Variants in ATF6 observed in about 807,000 individuals in gnomAD.
The protein encoded by ATF6 is activating transcription factor 6.
In ATF6, 53 loss-of-function variants were observed where a neutral mutation model predicts 83.6. The ratio of observed to expected loss-of-function variants is 0.63; its 90% CI spans 0.51 to 0.80. The LOEUF (loss-of-function observed/expected upper bound fraction) is 0.80, where lower values mean the gene tolerates loss of function less well. ATF6 is among the 30% of genes least tolerant of loss of function. ATF6 has a pLI of 0.00. For missense variants in ATF6, 744 were observed against 797.9 expected (o/e 0.93, Z 0.81); for synonymous variants, 288 against 285.8 (o/e 1.01, Z -0.08).
chr1:161,905,098 T>A (rs1447452112), intron 14 of ATF6, among the ~76,000 whole-genome samples: 1 of 152,292 alleles, frequency 6.6e-6, no homozygotes, highest in East Asian at 1.9e-4. Context: ...CTGAGGCTCA[T>A]GCAAGGAGAG....
chr1:161,886,056 T>C (rs575682406), intron 14 of ATF6, among the ~76,000 whole-genome samples: 3 of 152,176 alleles, frequency 2.0e-5, no homozygotes, highest in Non-Finnish European at 2.9e-5. Flanking sequence ...GGAGGTAGTA[T>C]CAAATTTTTC....
At chr1:161,854,956 C>T (rs1686725833) in intron 12 of ATF6, among the ~76,000 whole-genome samples, 1 of 151,916 alleles carries the variant, frequency 6.6e-6, no homozygotes, top group African/African-American at 2.4e-5. Context: ...CAGGAAGGAA[C>T]ATGAAGAAGC....
intron 14 of ATF6, among the ~76,000 whole-genome samples, chr1:161,889,417 C>T (rs1421473856): frequency 6.6e-6 from 1 of 152,232 alleles, no homozygotes; most frequent in Admixed American, 6.5e-5. Context: ...CAAGAACAAT[C>T]CTTAATAAAC....
chr1:161,831,417 C>T (rs1427438711), intron 9 of ATF6, among the ~76,000 whole-genome samples: 1 of 152,144 alleles, frequency 6.6e-6, no homozygotes, highest in Non-Finnish European at 1.5e-5. Flanking sequence ...ACTAGAAATG[C>T]CATTTGACCC....
At chr1:161,845,744 C>A (rs927067032) in intron 9 of ATF6, among the ~76,000 whole-genome samples, 8 of 148,756 alleles carry the variant, frequency 5.4e-5, no homozygotes, top group Non-Finnish European at 8.9e-5. Context: ...CCACTGCACT[C>A]CAGCCTGGGT....
At chr1:161,792,041 G>A (rs1684890658) in intron 5 of ATF6, 83 bp from the exon 6 acceptor site, 4 of 1,128,072 alleles carry the variant, frequency 3.5e-6, no homozygotes, top group Non-Finnish European at 5.3e-6. Flanking sequence ...AATGTGTAGA[G>A]AAAGGTGTGT....
chr1:161,777,560 G>A (rs745878283), intron 1 of ATF6, among the ~76,000 whole-genome samples: 12 of 152,290 alleles, frequency 7.9e-5, no homozygotes, highest in South Asian at 4.1e-4. Context: ...AGAGGAAATA[G>A]GAACTTCATA....
intron 14 of ATF6, among the ~76,000 whole-genome samples, chr1:161,883,397 G>C (rs1687358324): frequency 6.6e-6 from 1 of 151,946 alleles, no homozygotes; most frequent in African/African-American, 2.4e-5. Flanking sequence ...CATTTCATGT[G>C]ATGTCTATAG....
At chr1:161,773,180 G>T (rs538239085) in intron 1 of ATF6, among the ~76,000 whole-genome samples, 2 of 145,470 alleles carry the variant, frequency 1.4e-5, no homozygotes, top group Non-Finnish European at 3.0e-5. Context: ...CTGTTACCCA[G>T]GCTGGAGTGC....
chr1:161,833,006 A>T (rs1270652145), intron 9 of ATF6, among the ~76,000 whole-genome samples: 1 of 152,216 alleles, frequency 6.6e-6, no homozygotes, highest in Non-Finnish European at 1.5e-5. Context: ...GGCACCCCCC[A>T]GTAGGGGCGG....
chr1:161,928,648 G>A (rs1688370239), intron 15 of ATF6, among the ~76,000 whole-genome samples: 1 of 151,472 alleles, frequency 6.6e-6, no homozygotes, highest in South Asian at 2.1e-4. Context: ...GCATTTTTTA[G>A]TAGGTAAATG....
At chr1:161,926,955 T>C (rs1488207643) in intron 15 of ATF6, among the ~76,000 whole-genome samples, 2 of 152,170 alleles carry the variant, frequency 1.3e-5, no homozygotes, top group Admixed American at 6.5e-5. Flanking sequence ...ATTATGATGA[T>C]TTGGTTCCAT....
At chr1:161,797,220 G>C (rs1314801846) in intron 6 of ATF6, among the ~76,000 whole-genome samples, 5 of 152,142 alleles carry the variant, frequency 3.3e-5, no homozygotes, top group Non-Finnish European at 5.9e-5. Flanking sequence ...ATTGTAATGA[G>C]TGGGCAAGAG....
At chr1:161,783,683 C>G (rs978001346) in intron 3 of ATF6, among the ~76,000 whole-genome samples, 3 of 151,944 alleles carry the variant, frequency 2.0e-5, no homozygotes, top group Non-Finnish European at 2.9e-5. Flanking sequence ...GAGACAACCA[C>G]TGTTACCAGT....
intron 15 of ATF6, among the ~76,000 whole-genome samples, chr1:161,930,898 T>C (rs993236487): frequency 4.6e-5 from 7 of 152,162 alleles, no homozygotes; most frequent in African/African-American, 1.7e-4. Context: ...GAATTTTTTT[T>C]TTTTTTCCCC....
At chr1:161,945,143 T>A (rs1027432760) in intron 15 of ATF6, among the ~76,000 whole-genome samples, 4 of 152,232 alleles carry the variant, frequency 2.6e-5, no homozygotes, top group Non-Finnish European at 4.4e-5. Context: ...ATTTCTATTA[T>A]ATGCTGCACA....
At chr1:161,920,662 G>A (rs1421817282) in intron 15 of ATF6, among the ~76,000 whole-genome samples, 2 of 151,748 alleles carry the variant, frequency 1.3e-5, no homozygotes, top group African/African-American at 2.4e-5. Flanking sequence ...GAATGAGCCA[G>A]TTGCTGTGTT....
chr1:161,907,900 C>T (rs1687907972), intron 14 of ATF6, among the ~76,000 whole-genome samples: 1 of 152,118 alleles, frequency 6.6e-6, no homozygotes, highest in South Asian at 2.1e-4. Context: ...GTTACAGTTA[C>T]TGTATATTGG....
At chr1:161,796,139 G>A (rs967509345) in intron 6 of ATF6, among the ~76,000 whole-genome samples, 1 of 152,180 alleles carries the variant, frequency 6.6e-6, no homozygotes, top group Admixed American at 6.5e-5. Context: ...TACACAATTG[G>A]TAGTACAGAT....
Sources: allele counts gnomAD v4.1 joint callset (sites outside exome capture counted in the v4.1 genomes callset), GRCh38; gene constraint gnomAD v4.1.1; transcripts MANE v1.5; gene names NCBI Gene and HGNC (gene_info 2026-07-23, HGNC 2026-07-21).